The following HEG1 variants were observed in gnomAD, a reference collection of about 807,000 sequenced individuals.
HEG1 encodes the protein protein HEG homolog 1.
HEG1 carries 56 observed loss-of-function variants against 125.6 expected under a neutral mutation model. The ratio of observed to expected loss-of-function variants is 0.45; its 90% confidence interval spans 0.36 to 0.56. HEG1 has a LOEUF of 0.56. HEG1 is among the 20% of genes least tolerant of loss of function. The pLI, the probability that HEG1 is intolerant of heterozygous loss-of-function variation, is 0.00. For missense variants in HEG1, 1,523 were observed against 1,670.0 expected (o/e 0.91, Z 1.53); for synonymous variants, 644 against 668.5 (o/e 0.96, Z 0.57).
In HEG1 at chr3:125,005,258, C is replaced by T. The variant is rs1339216356; in HGVS notation, c.3297+7G>A. 1 of 1,529,438 alleles carries T rather than the reference C, an allele frequency of 6.5e-7. No homozygotes were observed. The allele number at this position is 1,529,438 out of a possible 1,614,324, so 94.7% of individuals were successfully genotyped here. The stretch of plus-strand genomic sequence containing the variant: ...ACGAGTAGAAAGATGCCATTCAGGA[C>T]ACTTACCGTTTTGGTGATCTCATTT... On this transcript the variant is annotated splice_region_variant and intron_variant, in intron 9 of 16. Transcript: ENST00000311127.
rs1936379922 is a variant in HEG1 at position 124,969,198 on chromosome 3, C to T, written c.*1454G>A. The T allele has an allele frequency of 6.6e-6, 1 of 152,162 alleles. No individual in the cohort carries two copies. The highest frequency in any genetic ancestry group is 1.5e-5 in the Non-Finnish European group (1 of 68,044). The allele number at this position is 152,162 out of a possible 1,614,324, so 9.4% of individuals were successfully genotyped here. ...ACCTCTGTATTCCCCTCACTTCATC[C>T]AAAACCAGGATGCCCCAAAGAAGGC... On this transcript the variant is annotated 3_prime_UTR_variant, in exon 17 of 17. Coordinates refer to ENST00000311127, the MANE Select transcript of HEG1 (RefSeq NM_020733.2).
intron 1 of HEG1, among the ~76,000 whole-genome samples, chr3:125,035,300 A>G (rs546312344): frequency 1.3e-5 from 2 of 152,320 alleles, no homozygotes; most frequent in South Asian, 4.1e-4. Flanking sequence ...AATGAGAACT[A>G]TAAATCTTCA....
rs1937459426 is a variant in HEG1 at position 125,029,195 on chromosome 3, C to T, written c.610G>A (p.Ala204Thr). The T allele has an allele frequency of 6.2e-7, 1 of 1,610,684 alleles. No homozygotes were observed. The highest frequency in any genetic ancestry group is 1.7e-5 in the Admixed American group (1 of 59,692). ...TALTSQSGNL[A>T]SESLHLPSSS... is the part of the protein sequence containing the mutation. Reference sequence around the variant, plus strand: ...ATGCGCATCATCAGCACAAGCTCACCTAAGTTGCCACTCTGGGAAGTCAGA... The same window carrying T: ...ATGCGCATCATCAGCACAAGCTCACTTAAGTTGCCACTCTGGGAAGTCAGA... Residue 204 changes from alanine to threonine, a missense_variant and splice_region_variant, in exon 2 of 17, where the codon GCC (alanine) becomes ACC (threonine). Transcript: ENST00000311127.
At chr3:124,976,671 G>A (rs1316169785) in intron 15 of HEG1, among the ~76,000 whole-genome samples, 2 of 152,232 alleles carry the variant, frequency 1.3e-5, no homozygotes, top group East Asian at 3.9e-4. Flanking sequence ...CAGTGTGGAG[G>A]TGCTGGGGGA....
At chr3:125,036,798 A>ACTT (rs1316485547) in intron 1 of HEG1, among the ~76,000 whole-genome samples, 1 of 152,252 alleles carries the variant, frequency 6.6e-6, no homozygotes, top group East Asian at 1.9e-4. Flanking sequence ...ATTGGCAAAG[A>ACTT]CTTAAGAATA....
At chr3:125,047,750 G>C (rs991957122) in intron 1 of HEG1, among the ~76,000 whole-genome samples, 3 of 152,182 alleles carry the variant, frequency 2.0e-5, no homozygotes, top group African/African-American at 7.2e-5. Context: ...ATAATCACTA[G>C]TCACAGCCCT....
At chr3:125,015,801 C>A (rs57632424) in intron 5 of HEG1, among the ~76,000 whole-genome samples, 71,049 of 146,236 alleles carry the variant, frequency 0.49, 16,827 homozygotes, top group Middle Eastern at 0.62. Context: ...GAAAAAAAAA[C>A]CCAAAAAACA....
intron 1 of HEG1, among the ~76,000 whole-genome samples, chr3:125,039,862 A>C (rs987244303): frequency 3.9e-5 from 6 of 152,008 alleles, no homozygotes; most frequent in Non-Finnish European, 8.8e-5. Context: ...ACAAAAAAAA[A>C]CAAGTCCCCC....
chr3:125,024,706 G>A (rs903841975), intron 3 of HEG1, among the ~76,000 whole-genome samples: 2 of 152,206 alleles, frequency 1.3e-5, no homozygotes, highest in Non-Finnish European at 2.9e-5. Flanking sequence ...TCCCAGCCTC[G>A]GAAGAGGTTA....
chr3:124,969,780 C>G lies in HEG1; in HGVS notation c.*872G>C, dbSNP rs1936393066. ...TCCTCCATACGCAGCTGCCTCTGGC[C>G]TCCACAATGGTGATCGAGTCCCAGG... is the stretch of plus-strand genomic sequence containing the variant. On this transcript the variant is annotated 3_prime_UTR_variant, in exon 17 of 17. Transcript: ENST00000311127. 1 of 108,352 alleles carries G rather than the reference C, an allele frequency of 9.2e-6. No individual in the cohort carries two copies. The highest frequency in any genetic ancestry group is 9.5e-5 in the Admixed American group (1 of 10,508). The allele number at this position is 108,352 out of a possible 1,614,324, so 6.7% of individuals were successfully genotyped here. A position where few individuals can be genotyped will look rare whatever the true frequency, so the allele number is the denominator to read the frequency against.
intron 1 of HEG1, among the ~76,000 whole-genome samples, 198 bp downstream of exon 1, chr3:125,055,377 G>A (rs1338709262): frequency 6.6e-6 from 1 of 152,154 alleles, no homozygotes; most frequent in Non-Finnish European, 1.5e-5. Flanking sequence ...GAACGGGATA[G>A]TCACACCCCT....
chr3:125,045,706 G>C (rs141752022), intron 1 of HEG1, among the ~76,000 whole-genome samples: 18 of 152,320 alleles, frequency 1.2e-4, no homozygotes, highest in Non-Finnish European at 1.6e-4. Context: ...CCTGATGCCT[G>C]ACTCTCTTAG....
rs1936404472 is a variant in HEG1, at chr3:124,970,490, C to T, written c.*162G>A. 3 of 608,182 alleles carry T rather than the reference C, an allele frequency of 4.9e-6. No individual in the cohort carries two copies. Among genetic ancestry groups the T allele is most frequent in the East Asian group, 5.5e-5 (2 of 36,046 alleles). The allele number at this position is 608,182 out of a possible 1,614,324, so 37.7% of individuals were successfully genotyped here. On this transcript the variant is annotated 3_prime_UTR_variant, in exon 17 of 17. Coordinates refer to ENST00000311127, the MANE Select transcript of HEG1 (RefSeq NM_020733.2). The stretch of plus-strand genomic sequence containing the variant: ...GAGCAGCCTGTGGTTCCACATCCAC[C>T]TGTCTCCTCCACTGTGGTCACGCCC...
chr3:124,986,128 A>G (rs907987022), intron 14 of HEG1, among the ~76,000 whole-genome samples: 4 of 152,216 alleles, frequency 2.6e-5, no homozygotes, highest in Non-Finnish European at 5.9e-5. Flanking sequence ...GCACAAGTAG[A>G]AAGTGCACAG....
At chr3:125,030,766 G>A (rs1937487892) in intron 1 of HEG1, among the ~76,000 whole-genome samples, 1 of 152,140 alleles carries the variant, frequency 6.6e-6, no homozygotes, top group African/African-American at 2.4e-5. Context: ...CATGGAGGGT[G>A]GGGGAGGTCA....
intron 10 of HEG1, 108 bp downstream of exon 10, chr3:125,002,149 G>T: frequency 6.7e-7 from 1 of 1,487,498 alleles, no homozygotes; most frequent in Non-Finnish European, 9.3e-7. Flanking sequence ...GCCCTGGATT[G>T]CCCCATGGCT....
Position 124,967,349 on chromosome 3 carries a change from G to C in HEG1, c.*3303C>G, listed in dbSNP as rs932458681. On this transcript the variant is annotated 3_prime_UTR_variant, in exon 17 of 17. Transcript: ENST00000311127. ...CTTCCTATACCAAAGCCACGTGCCA[G>C]TGTGCTTCTTGCTGAGCACAAGCCA... 3.3e-5 allele frequency: 5 copies of C among 151,972 alleles called. No individual in the cohort carries two copies. Among genetic ancestry groups the C allele is most frequent in the Admixed American group, 2.0e-4 (3 of 15,254 alleles). 9.4% of individuals were successfully genotyped at this position (151,972 alleles called of 1,614,324 possible). A position where few individuals can be genotyped will look rare whatever the true frequency, so the allele number is the denominator to read the frequency against.
chr3:124,972,362 A>T (rs981307855), intron 16 of HEG1, among the ~76,000 whole-genome samples: 2 of 152,262 alleles, frequency 1.3e-5, no homozygotes, highest in African/African-American at 4.8e-5. Flanking sequence ...AAACAGAGAA[A>T]CAAAGCCCAA....
chr3:125,018,545 T>C (rs566487526), intron 5 of HEG1, among the ~76,000 whole-genome samples: 10 of 152,348 alleles, frequency 6.6e-5, no homozygotes, highest in African/African-American at 2.4e-4. Flanking sequence ...TCAATAAAGC[T>C]GGTTTTTAAA....
Sources: allele counts gnomAD v4.1 joint callset (sites outside exome capture counted in the v4.1 genomes callset), GRCh38; gene constraint gnomAD v4.1.1; transcripts MANE v1.5; gene names NCBI Gene and HGNC (gene_info 2026-07-23, HGNC 2026-07-21).